Variants in PPP1R21 observed in about 807,000 individuals in gnomAD.
PPP1R21 encodes the protein KLRAQ motif containing 1.
Under a neutral mutation model 112.8 loss-of-function variants are expected in PPP1R21, and 85 were observed. That is an observed-to-expected ratio of 0.75 (90% CI 0.63 to 0.90). PPP1R21 has a LOEUF of 0.90. Ranked by LOEUF, PPP1R21 falls within the 40% of genes least tolerant of loss-of-function variation. The pLI is 0.00. For missense variants in PPP1R21, 1,199 were observed against 901.5 expected, an observed-to-expected ratio of 1.33 and a Z score of -4.23; for synonymous variants, 381 against 322.3, an observed-to-expected ratio of 1.18 and a Z score of -1.95.
At position 48,457,407 on chromosome 2, in the gene PPP1R21, A is replaced by G. The variant is rs72822206; in HGVS notation, c.274-719A>G. Reference sequence around the variant, plus strand: ...AAGTGAGAAGTGAGACTACAAAAAAAGCAGAGAAAGGGTGGTGACTGATGT... The same window carrying G: ...AAGTGAGAAGTGAGACTACAAAAAAGGCAGAGAAAGGGTGGTGACTGATGT... On this transcript the variant is annotated intron_variant, in intron 3 of 21. Coordinates refer to ENST00000294952, the MANE Select transcript of PPP1R21 (RefSeq NM_001135629.3). Among the ~76,000 whole-genome samples, 4 of 152,368 alleles carry G rather than the reference A, an allele frequency of 2.6e-5. No individual in the cohort carries two copies. The South Asian group carries it at 6.2e-4, about 24-fold the overall frequency.
intron 13 of PPP1R21, among the ~76,000 whole-genome samples, chr2:48,482,453 A>G (rs1211661687): frequency 6.6e-6 from 1 of 152,176 alleles, no homozygotes; most frequent in Non-Finnish European, 1.5e-5. Context: ...TCTGGAAGGA[A>G]TGTGTAAGTG....
chr2:48,457,531 A>C (rs977613394), intron 3 of PPP1R21, among the ~76,000 whole-genome samples: 1 of 152,216 alleles, frequency 6.6e-6, no homozygotes, highest in Non-Finnish European at 1.5e-5. Context: ...AAATAGTGCT[A>C]TTCTTCTATG....
intron 13 of PPP1R21, among the ~76,000 whole-genome samples, chr2:48,481,731 T>TA (rs1049821347): frequency 1.4e-4 from 21 of 149,714 alleles, no homozygotes; most frequent in African/African-American, 2.4e-4. Flanking sequence ...AACAATAAAA[T>TA]AAAAAAAAAA....
At chr2:48,444,605 A>G (rs1667169631) in intron 1 of PPP1R21, among the ~76,000 whole-genome samples, 1 of 152,164 alleles carries the variant, frequency 6.6e-6, no homozygotes, top group Non-Finnish European at 1.5e-5. Flanking sequence ...TGTCTTTTCA[A>G]TGTTTGTGTT....
chr2:48,514,926 C>G lies in PPP1R21; in HGVS notation c.*182C>G, dbSNP rs1474347747. ...TAAAACATATTTGTAACCAGTGAGG[C>G]AAATACAGAAGTTGATGTCGGCAGT... On this transcript the variant is annotated 3_prime_UTR_variant, in exon 22 of 22. Transcript: ENST00000294952. 1 of 572,354 alleles carries G rather than the reference C, an allele frequency of 1.7e-6. No homozygotes were observed. Among genetic ancestry groups the G allele is most frequent in the African/African-American group, 1.9e-5 (1 of 53,066 alleles). 35.5% of individuals were successfully genotyped at this position (572,354 alleles called of 1,614,324 possible).
chr2:48,485,855 G>T (rs1042428495), intron 13 of PPP1R21, among the ~76,000 whole-genome samples: 2 of 146,796 alleles, frequency 1.4e-5, no homozygotes, highest in African/African-American at 2.5e-5. Context: ...ATATATAGTT[G>T]TATATATTAA....
intron 11 of PPP1R21, chr2:48,471,593 A>G (rs539039205): frequency 6.8e-6 from 3 of 443,460 alleles, no homozygotes; most frequent in African/African-American, 2.0e-5. Flanking sequence ...GTTGTTCTGT[A>G]CTGTGGTTAC....
At position 48,459,807 on chromosome 2, in the gene PPP1R21, A is replaced by T; in HGVS notation, c.429A>T (p.Arg143=). 1 of 1,614,116 alleles carries T rather than the reference A, an allele frequency of 6.2e-7. No individual in the cohort carries two copies. Among genetic ancestry groups the T allele is most frequent in the Non-Finnish European group, 8.5e-7 (1 of 1,180,042 alleles). The stretch of plus-strand genomic sequence containing the variant: ...ATGTGGAAGCAGAGCTGAGGAGTCG[A>T]CTGGCCACTCTGGAGACAGAAGCAG... ...HKHVEAELRS[R]LATLETEAAQ... Residue 143 remains arginine (R), a synonymous_variant, in exon 5 of 22, where the codon CGA becomes CGT. Coordinates refer to ENST00000294952, the MANE Select transcript of PPP1R21 (RefSeq NM_001135629.3).
At chr2:48,442,825 C>G (rs1487364043) in intron 1 of PPP1R21, among the ~76,000 whole-genome samples, 1 of 151,890 alleles carries the variant, frequency 6.6e-6, no homozygotes, top group African/African-American at 2.4e-5. Flanking sequence ...TAATTTGGAC[C>G]CTATTATGAA....
chr2:48,493,552 A>G (rs895912398), intron 15 of PPP1R21, among the ~76,000 whole-genome samples: 2 of 151,908 alleles, frequency 1.3e-5, no homozygotes, highest in African/African-American at 2.4e-5. Context: ...TACAGTCTCA[A>G]TTTTTACATT....
chr2:48,451,085 C>G lies in PPP1R21; in HGVS notation c.126+9C>G. 1 of 1,610,082 alleles carries G rather than the reference C, an allele frequency of 6.2e-7. No homozygotes were observed. Among genetic ancestry groups the G allele is most frequent in the Non-Finnish European group, 8.5e-7 (1 of 1,176,398 alleles). The stretch of plus-strand genomic sequence containing the variant: ...ATTCTGCAGCTTTAAAGGTGGGCAA[C>G]AGGATATTTGTGTTGTGAGGGTTAA... On this transcript the variant is annotated intron_variant, in intron 2 of 21. Transcript: ENST00000294952.
At position 48,471,380 on chromosome 2, in the gene PPP1R21, G is replaced by C; in HGVS notation, c.1088+13G>C. 1 of 1,590,874 alleles carries C rather than the reference G, an allele frequency of 6.3e-7. No individual in the cohort carries two copies. The highest frequency in any genetic ancestry group is 8.5e-7 in the Non-Finnish European group (1 of 1,172,188). On this transcript the variant is annotated intron_variant, in intron 11 of 21. Transcript: ENST00000294952. ...ATCAGTTAAAAAGGTAGTTACCCCCGGAGGCCAGGGAACTTGGGGAATTGT... is the reference window on the plus strand; with the variant it reads ...ATCAGTTAAAAAGGTAGTTACCCCCCGAGGCCAGGGAACTTGGGGAATTGT...
chr2:48,472,497 A>G (rs1261126785), intron 11 of PPP1R21, among the ~76,000 whole-genome samples: 1 of 151,142 alleles, frequency 6.6e-6, no homozygotes, highest in Non-Finnish European at 1.5e-5. Flanking sequence ...GTGGTGGTGC[A>G]TGCCTGTAGT....
chr2:48,504,893 C>T (rs1033953981), intron 17 of PPP1R21, among the ~76,000 whole-genome samples: 1 of 152,092 alleles, frequency 6.6e-6, no homozygotes, highest in Non-Finnish European at 1.5e-5. Flanking sequence ...ACTCAGGAGG[C>T]TGGAGACGGA....
At chr2:48,504,045 G>C (rs1348826490) in intron 17 of PPP1R21, among the ~76,000 whole-genome samples, 1 of 152,018 alleles carries the variant, frequency 6.6e-6, no homozygotes, top group Non-Finnish European at 1.5e-5. Context: ...TAACCCGGGA[G>C]TAAGGGGGTG....
intron 17 of PPP1R21, 123 bp from the exon 18 acceptor site, chr2:48,505,441 A>G (rs909176520): frequency 1.4e-6 from 1 of 723,994 alleles, no homozygotes; most frequent in African/African-American, 1.8e-5. Flanking sequence ...TCCAAGGATG[A>G]TCTTCTAGTT....
intron 1 of PPP1R21, among the ~76,000 whole-genome samples, chr2:48,445,135 C>CTTTT (rs756357658): frequency 1.2e-4 from 12 of 102,632 alleles, no homozygotes; most frequent in East Asian, 3.2e-4. Flanking sequence ...TGAATATGAG[C>CTTTT]TTTTTTTTTT....
rs1359492209 is a variant in PPP1R21 at position 48,445,609 on chromosome 2, G to A, written c.57+4599G>A. Among the ~76,000 whole-genome samples the A allele has an allele frequency of 2.0e-5, 3 of 152,306 alleles. No homozygotes were observed. In the East Asian group the frequency reaches 5.8e-4, roughly 29 times the overall value. On this transcript the variant is annotated intron_variant, in intron 1 of 21. Coordinates refer to ENST00000294952, the MANE Select transcript of PPP1R21 (RefSeq NM_001135629.3). ...CAAGGCCCTAGAAAGACAAGGGGCA[G>A]CCTCCTCTTCCTGTTTAGTTTAACT...
intron 11 of PPP1R21, 79 bp downstream of exon 11, chr2:48,471,446 A>G (rs1029299380): frequency 4.5e-6 from 6 of 1,346,996 alleles, no homozygotes; most frequent in Middle Eastern, 2.0e-4. Context: ...AAATATTAAC[A>G]TGTGCCTCTT....
Sources: allele counts gnomAD v4.1 joint callset (sites outside exome capture counted in the v4.1 genomes callset), GRCh38; gene constraint gnomAD v4.1.1; transcripts MANE v1.5; gene names NCBI Gene and HGNC (gene_info 2026-07-23, HGNC 2026-07-21).